The following CNTNAP1 variants were observed in gnomAD, a reference collection of about 807,000 sequenced individuals.
CNTNAP1 encodes contactin associated protein 1.
Under a neutral mutation model 161.5 loss-of-function variants are expected in CNTNAP1, and 80 were observed. That is an observed-to-expected ratio of 0.50 (90% CI 0.41 to 0.60). The LOEUF is 0.60. Ranked by LOEUF, CNTNAP1 falls within the 20% of genes least tolerant of loss-of-function variation. CNTNAP1 has a pLI of 0.00. For synonymous variants in CNTNAP1, 695 were observed against 733.1 expected (o/e 0.95, Z 0.84); for missense variants, 1,464 against 1,854.8 (o/e 0.79, Z 3.87).
rs765372689 is a variant in CNTNAP1 at position 42,697,712 on chromosome 17, G to A, written c.3727G>A (p.Gly1243Arg). 6.2e-7 allele frequency: 1 copy of A among 1,614,160 alleles called. No homozygotes were observed. Among genetic ancestry groups the A allele is most frequent in the South Asian group, 1.1e-5 (1 of 91,076 alleles). Residue 1243 changes from glycine (G) to arginine (R), a missense_variant, in exon 22 of 24, where the codon GGA (glycine) becomes AGA (arginine). Physicochemically the swap from Gly to Arg is moderately radical, Grantham distance 125. Around this residue, in one of 3 missense-constraint regions of CNTNAP1, gnomAD observed 1,383 missense variants for 1,765.0 expected, o/e 0.78. Transcript: ENST00000264638. Reference sequence around the variant, plus strand: ...GCTAGCTGAGGCCCTTCGAGTTCAGGGAGAACTGTCCGAATCTAATTGCGG... The same window carrying A: ...GCTAGCTGAGGCCCTTCGAGTTCAGAGAGAACTGTCCGAATCTAATTGCGG... ...AELAEALRVQ[G>R]ELSESNCGAM...
In CNTNAP1 at chr17:42,691,741, C is replaced by T; in HGVS notation, c.2345-65C>T. The stretch of plus-strand genomic sequence containing the variant: ...GCCCAACCTTCCCTGCCCCCAACCC[C>T]AGGTTCTCTTCCTCCTCCACCCTCC... On this transcript the variant is annotated intron_variant, in intron 15 of 23. Transcript: ENST00000264638. This position sits in a 1 kb window ranked among gnomAD's most constrained non-coding sequence, Gnocchi z 4.3. 6.4e-7 allele frequency: 1 copy of T among 1,555,966 alleles called. No homozygotes were observed. Among genetic ancestry groups the T allele is most frequent in the Non-Finnish European group, 8.8e-7 (1 of 1,132,486 alleles).
rs1442972572 is a variant in CNTNAP1 at position 42,692,566 on chromosome 17, C to T, written c.2598C>T (p.Asp866=). The T allele has an allele frequency of 1.9e-5, 31 of 1,614,058 alleles. No individual in the cohort carries two copies. Among genetic ancestry groups the T allele is most frequent in the East Asian group, 4.5e-5 (2 of 44,892 alleles). Reference sequence around the variant, plus strand: ...ATGAGAACCTCACAGTACACTCAGACGACTTTGAGTTCAATGATGACGAGT... The same window carrying T: ...ATGAGAACCTCACAGTACACTCAGATGACTTTGAGTTCAATGATGACGAGT... ...NGDENLTVHS[D]DFEFNDDEWH... Residue 866 remains aspartate, a synonymous_variant, in exon 17 of 24, where the codon GAC becomes GAT. Transcript: ENST00000264638.
chr17:42,688,022 T>C (rs762465208), intron 8 of CNTNAP1, 41 bp downstream of exon 8: 2 of 1,592,374 alleles, frequency 1.3e-6, no homozygotes, highest in African/African-American at 2.7e-5. Context: ...AGAAGAGAAG[T>C]GTAGAGGATC....
At position 42,691,558 on chromosome 17, in the gene CNTNAP1, A is replaced by G. The variant is rs2053086801; in HGVS notation, c.2344+47A>G. ...TGTGCCCTCCCAGAGCTGACTCTCC[A>G]GTTTCCAAAATCTAGGCCGCATGTC... On this transcript the variant is annotated intron_variant, in intron 15 of 23. Coordinates refer to ENST00000264638, the MANE Select transcript of CNTNAP1 (RefSeq NM_003632.3). The surrounding 1 kb of genome is among the most constrained non-coding windows in gnomAD (Gnocchi z 4.3). 6.2e-7 allele frequency: 1 copy of G among 1,607,884 alleles called. No individual in the cohort carries two copies. Among genetic ancestry groups the G allele is most frequent in the Non-Finnish European group, 8.5e-7 (1 of 1,177,316 alleles).
chr17:42,695,713 A>G lies in CNTNAP1; in HGVS notation c.3185A>G (p.Tyr1062Cys), dbSNP rs565799517. The G allele has an allele frequency of 6.2e-7, 1 of 1,613,932 alleles. No homozygotes were observed. The highest frequency in any genetic ancestry group is 1.1e-5 in the South Asian group (1 of 91,074). The change falls in exon 19 of 24, where the codon TAC (tyrosine) becomes TGC (cysteine). Residue 1062 changes from tyrosine to cysteine, a missense_variant. Physicochemically the swap from Tyr to Cys is radical, Grantham distance 194. Transcript: ENST00000264638. ...GGCCCCGGGTACCGCCTGCCCGACT[A>G]CCCCCGGCCTGGTCGGCCTGTGCCC... ...YHGPGYRLPD[Y>C]PRPGRPVPGY...
At position 42,691,008 on chromosome 17, in the gene CNTNAP1, A is replaced by G; in HGVS notation, c.2059+66A>G. On this transcript the variant is annotated intron_variant, in intron 13 of 23. Transcript: ENST00000264638. The surrounding 1 kb of genome is among the most constrained non-coding windows in gnomAD (Gnocchi z 4.3). ...CACCAATGGGGGCCTGGGAGAAGGA[A>G]GCCAGAGAGCCAGCTGGGGCCTTGG... The G allele has an allele frequency of 6.2e-7, 1 of 1,603,872 alleles. No homozygotes were observed. The highest frequency in any genetic ancestry group is 8.5e-7 in the Non-Finnish European group (1 of 1,172,816).
At position 42,687,106 on chromosome 17, in the gene CNTNAP1, G is replaced by A; in HGVS notation, c.1044+60G>A. ...TCAAAGCGTCGTGGAAAGCAAAGAG[G>A]TGGAGCGGGAAGAGATATTGAACAT... On this transcript the variant is annotated intron_variant, in intron 7 of 23. Transcript: ENST00000264638. The surrounding 1 kb of genome is among the most constrained non-coding windows in gnomAD (Gnocchi z 4.7). 1.3e-6 allele frequency: 2 copies of A among 1,579,056 alleles called. No homozygotes were observed. The highest frequency in any genetic ancestry group is 3.5e-5 in the Admixed American group (2 of 57,186).
At chr17:42,697,229 G>A (rs548258489) in intron 20 of CNTNAP1, 45 bp from the exon 21 acceptor site, 2 of 1,378,072 alleles carry the variant, frequency 1.5e-6, no homozygotes, top group Admixed American at 3.4e-5. Flanking sequence ...TCTGCTTCTG[G>A]TCCCCGCTCC....
rs2053053911 is a variant in CNTNAP1 at position 42,689,051 on chromosome 17, C to T, written c.1628+4C>T. ...ATACATGTGGCATCACTGATAGGTA[C>T]CCAGAAGCCCCTAACAAGAGATGAC... is the stretch of plus-strand genomic sequence containing the variant. On this transcript the variant is annotated splice_donor_region_variant and intron_variant, in intron 10 of 23. Transcript: ENST00000264638. The T allele has an allele frequency of 1.3e-6, 2 of 1,559,056 alleles. No individual in the cohort carries two copies. Among genetic ancestry groups the T allele is most frequent in the South Asian group, 2.4e-5 (2 of 82,182 alleles).
intron 23 of CNTNAP1, 129 bp from the exon 24 acceptor site, chr17:42,698,489 A>C: frequency 1.5e-6 from 1 of 687,508 alleles, no homozygotes; most frequent in Middle Eastern, 4.1e-4. Flanking sequence ...GTGCAGGTGA[A>C]ATCCCAAAGT....
At position 42,687,957 on chromosome 17, in the gene CNTNAP1, C is replaced by G. The variant is rs778961637; in HGVS notation, c.1282C>G (p.Arg428Gly). The change falls in exon 8 of 24, where the codon CGA becomes GGA. Residue 428 changes from arginine to glycine, a missense_variant. Around this residue, in one of 3 missense-constraint regions of CNTNAP1, gnomAD observed 1,383 missense variants for 1,765.0 expected, o/e 0.78. Transcript: ENST00000264638. This position sits in a 1 kb window ranked among gnomAD's most constrained non-coding sequence, Gnocchi z 4.7. ...CAACGTGTCCATCGCGCAGAGCGGC[C>G]GAAAGAAGCTTCAGTTCGCTGCTGG... ...QVNVSIAQSGRKKLQFAAGYR... is the reference protein window; with the variant it reads ...QVNVSIAQSGGKKLQFAAGYR... 6.2e-7 allele frequency: 1 copy of G among 1,613,316 alleles called. No individual in the cohort carries two copies. Among genetic ancestry groups the G allele is most frequent in the Non-Finnish European group, 8.5e-7 (1 of 1,179,514 alleles).
Position 42,691,635 on chromosome 17 carries a change from A to T in CNTNAP1, c.2344+124A>T. The stretch of plus-strand genomic sequence containing the variant: ...GACCCCCAGCTCCTGCTGTGATGCG[A>T]TCTCATTACCCCTCTGCACCTGGCT... On this transcript the variant is annotated intron_variant, in intron 15 of 23. Coordinates refer to ENST00000264638, the MANE Select transcript of CNTNAP1 (RefSeq NM_003632.3). The surrounding 1 kb of genome is among the most constrained non-coding windows in gnomAD (Gnocchi z 4.3). 3 of 1,385,386 alleles carry T rather than the reference A, an allele frequency of 2.2e-6. No individual in the cohort carries two copies. Among genetic ancestry groups the T allele is most frequent in the Non-Finnish European group, 3.0e-6 (3 of 999,080 alleles). 85.8% of individuals were successfully genotyped at this position (1,385,386 alleles called of 1,614,324 possible).
At chr17:42,692,928 C>T (rs2053108175) in intron 17 of CNTNAP1, among the ~76,000 whole-genome samples, 1 of 152,030 alleles carries the variant, frequency 6.6e-6, no homozygotes, top group Non-Finnish European at 1.5e-5. Flanking sequence ...AATACTTCAT[C>T]CTGTCTCTGG....
At chr17:42,686,473 T>TTTTTTTG (rs2053012891) in intron 6 of CNTNAP1, among the ~76,000 whole-genome samples, 1 of 109,702 alleles carries the variant, frequency 9.1e-6, no homozygotes, top group Non-Finnish European at 1.8e-5. Context: ...AGGCCTGTTT[T>TTTTTTTG]TTTTTTTTTT....
At position 42,695,672 on chromosome 17, in the gene CNTNAP1, T is replaced by C. The variant is rs1324241937; in HGVS notation, c.3144T>C (p.Tyr1048=). 1 of 1,614,072 alleles carries C rather than the reference T, an allele frequency of 6.2e-7. No individual in the cohort carries two copies. Among genetic ancestry groups the C allele is most frequent in the Non-Finnish European group, 8.5e-7 (1 of 1,180,040 alleles). ...TCCCGGGCTATGATACTCCGGGCTATGTGCCTGGCTACCATGGCCCCGGGT... is the reference window on the plus strand; with the variant it reads ...TCCCGGGCTATGATACTCCGGGCTACGTGCCTGGCTACCATGGCCCCGGGT... The part of the protein sequence containing the change: ...GYIPGYDTPG[Y]VPGYHGPGYR... The change falls in exon 19 of 24, where the codon TAT becomes TAC. Residue 1048 remains tyrosine (Y), a synonymous_variant. Coordinates refer to ENST00000264638, the MANE Select transcript of CNTNAP1 (RefSeq NM_003632.3).
rs895895811 is a variant in CNTNAP1 at position 42,698,854 on chromosome 17, C to T, written c.4099C>T (p.Pro1367Ser). Reference protein sequence around the residue: ...PAPAPTPAPAPGPRDQNLPQI... With the variant: ...PAPAPTPAPASGPRDQNLPQI... ...CCCAGCCCCAACTCCAGCCCCAGCC[C>T]CTGGCCCCCGGGATCAGAACCTACC... The change falls in exon 24 of 24, where the codon CCT (proline) becomes TCT (serine). Residue 1367 changes from proline (P) to serine (S), a missense_variant. Physicochemically the swap from Pro to Ser is moderately conservative, Grantham distance 74 (BLOSUM62 -1). Coordinates refer to ENST00000264638, the MANE Select transcript of CNTNAP1 (RefSeq NM_003632.3). The T allele has an allele frequency of 2.8e-5, 44 of 1,591,462 alleles. No homozygotes were observed. The highest frequency in any genetic ancestry group is 3.7e-5 in the Non-Finnish European group (43 of 1,174,736).
chr17:42,689,960 C>G, intron 11 of CNTNAP1, 128 bp from the exon 12 acceptor site: 1 of 1,036,132 alleles, frequency 9.7e-7, no homozygotes, highest in Non-Finnish European at 1.4e-6. Flanking sequence ...AGGCTGGTCT[C>G]GAACTCCTGA....
At chr17:42,689,698 G>C (rs181544495) in intron 11 of CNTNAP1, 71 bp downstream of exon 11, 10 of 1,296,730 alleles carry the variant, frequency 7.7e-6, no homozygotes, top group African/African-American at 1.5e-5. Flanking sequence ...GGATCATCAG[G>C]CTGCTAGAGA....
chr17:42,688,377 T>C (rs1597806380), intron 8 of CNTNAP1, 85 bp from the exon 9 acceptor site: 1 of 1,575,830 alleles, frequency 6.3e-7, no homozygotes, highest in African/African-American at 1.3e-5. Context: ...TGGGACACAG[T>C]GGGGCTGCTG....
Sources: gnomAD v4.1 joint callset for allele counts (sites outside exome capture counted in the v4.1 genomes callset) on GRCh38, gnomAD v4.1.1 for gene constraint, gnomAD v4.1.1 regional missense constraint, Gnocchi (gnomAD v3.1) non-coding constraint, MANE v1.5 for transcripts, NCBI Gene and HGNC (gene_info 2026-07-23, HGNC 2026-07-21) for gene names.